The following TENM2 variants were observed in gnomAD, a reference collection of about 807,000 sequenced individuals.
TENM2 encodes teneurin transmembrane protein 2.
A neutral mutation model predicts 245.2 loss-of-function variants in TENM2; 52 were observed. The ratio of observed to expected loss-of-function variants is 0.21; its 90% CI spans 0.17 to 0.27. The LOEUF is 0.27. Among genes scored for constraint, TENM2 ranks in the 10% least tolerant of loss-of-function variants. The probability of loss-of-function intolerance (pLI) is 1.00; values close to 1 mark genes in which losing one functional copy is unlikely to be tolerated. For missense variants in TENM2, 3,046 were observed against 3,666.8 expected, an observed-to-expected ratio of 0.83 and a Z score of 4.37; for synonymous variants, 1,363 against 1,438.9, an observed-to-expected ratio of 0.95 and a Z score of 1.19.
chr5:168,007,184 C>G (rs1581037823), intron 5 of TENM2, among the ~76,000 whole-genome samples: 1 of 151,458 alleles, frequency 6.6e-6, no homozygotes, highest in African/African-American at 2.4e-5. Context: ...TGGAGTGCAG[C>G]GGCATGATCT....
intron 12 of TENM2, among the ~76,000 whole-genome samples, chr5:168,142,731 A>G (rs1355062645): frequency 6.6e-6 from 1 of 152,156 alleles, no homozygotes; most frequent in Non-Finnish European, 1.5e-5. Flanking sequence ...AAATCCTGAC[A>G]ATACTTCCCA....
chr5:167,998,690 A>G (rs1784226906), intron 5 of TENM2, among the ~76,000 whole-genome samples: 1 of 152,052 alleles, frequency 6.6e-6, no homozygotes, highest in Non-Finnish European at 1.5e-5. Context: ...ATACATATAT[A>G]TATATTAGAA....
At chr5:167,360,375 TTAGTAAGCACCAATAA>T in intron 1 of TENM2, among the ~76,000 whole-genome samples, 1 of 152,250 alleles carries the variant, frequency 6.6e-6, no homozygotes, top group Middle Eastern at 3.4e-3. Flanking sequence ...GGCTTAGCAT[TTAGTAAGCACCAATAA>T]TATTGGTCAA....
chr5:168,168,095 T>A (rs1758467129), intron 13 of TENM2, among the ~76,000 whole-genome samples: 2 of 152,158 alleles, frequency 1.3e-5, no homozygotes. Context: ...GGAGGGCTTG[T>A]TTAAAAGTCA....
chr5:168,044,295 G>T (rs1475108999), intron 5 of TENM2, among the ~76,000 whole-genome samples: 1 of 152,136 alleles, frequency 6.6e-6, no homozygotes, highest in Non-Finnish European at 1.5e-5. Context: ...GGCGCCTGTA[G>T]TCCCAGATAC....
At chr5:167,550,689 TG>T (rs199684611) in intron 2 of TENM2, among the ~76,000 whole-genome samples, 2,439 of 135,398 alleles carry the variant, frequency 0.018, 162 homozygotes, top group South Asian at 0.07. Flanking sequence ...CCTTTTTTTT[TG>T]TTGTTGTTAG....
intron 5 of TENM2, among the ~76,000 whole-genome samples, chr5:167,996,743 G>A (rs764427519): frequency 5.3e-5 from 8 of 152,062 alleles, no homozygotes; most frequent in Non-Finnish European, 8.8e-5. Context: ...TTGTTTGTTT[G>A]TTTTTGAGAC....
chr5:168,052,442 A>G (rs936582204), intron 6 of TENM2, among the ~76,000 whole-genome samples: 4 of 150,240 alleles, frequency 2.7e-5, no homozygotes, highest in Admixed American at 6.6e-5. Flanking sequence ...ATGTATGTGT[A>G]TATATATATA....
intron 1 of TENM2, among the ~76,000 whole-genome samples, chr5:167,302,934 C>A (rs527797039): frequency 2.0e-5 from 3 of 152,062 alleles, no homozygotes; most frequent in African/African-American, 7.2e-5. Flanking sequence ...GCTGCCTTCC[C>A]GAGTCCGTGA....
chr5:167,699,598 A>G (rs1758009721), intron 2 of TENM2, among the ~76,000 whole-genome samples: 1 of 152,150 alleles, frequency 6.6e-6, no homozygotes, highest in Non-Finnish European at 1.5e-5. Flanking sequence ...AACTAGAACA[A>G]TGCCCTGCCC....
chr5:167,881,306 A>T (rs1773857417), intron 3 of TENM2, among the ~76,000 whole-genome samples: 1 of 152,172 alleles, frequency 6.6e-6, no homozygotes, highest in African/African-American at 2.4e-5. Context: ...TACAAAAGCC[A>T]TTGTACATCC....
intron 2 of TENM2, among the ~76,000 whole-genome samples, chr5:167,426,993 C>CTG (rs1763865743): frequency 6.6e-6 from 1 of 151,958 alleles, no homozygotes; most frequent in African/African-American, 2.4e-5. Flanking sequence ...AGCTGGGGCA[C>CTG]TGTGAGCAAC....
chr5:168,161,844 A>ACACAC (rs56983935), intron 12 of TENM2, among the ~76,000 whole-genome samples: 8 of 151,210 alleles, frequency 5.3e-5, no homozygotes, highest in African/African-American at 1.5e-4. Flanking sequence ...ACACACACAC[A>ACACAC]TCAATAAAGG....
the TENM2 span, among the ~76,000 whole-genome samples, chr5:167,253,707 A>C: frequency 6.6e-6 from 1 of 152,082 alleles, no homozygotes; most frequent in Non-Finnish European, 1.5e-5. Flanking sequence ...ATTAAAAATC[A>C]GTTATATCTC....
chr5:167,519,079 A>G (rs573866335), intron 2 of TENM2, among the ~76,000 whole-genome samples: 3 of 152,278 alleles, frequency 2.0e-5, no homozygotes, highest in South Asian at 2.1e-4. Context: ...GCTTGAATCC[A>G]TAATGTTTAC....
rs531635253 is a variant in TENM2 at position 167,579,530 on chromosome 5, GTTC to G, written c.502+204062_502+204064del. ...AGCTACCTTCTCATCATTGACTTCAGTTCTTCTGACGGTTCGACAGTCGTAGCC... is the reference window on the plus strand; with the variant it reads ...AGCTACCTTCTCATCATTGACTTCAGTTCTGACGGTTCGACAGTCGTAGCC... On this transcript the variant is annotated intron_variant, in intron 2 of 28. Transcript: ENST00000518659. Among the ~76,000 whole-genome samples, 932 of 152,298 alleles carry G rather than the reference GTTC, an allele frequency of 6.1e-3. 18 individuals carry two copies. The highest frequency in any genetic ancestry group is 5.3e-3 in the Non-Finnish European group (358 of 68,024).
At chr5:167,811,066 C>T (rs961554227) in intron 2 of TENM2, among the ~76,000 whole-genome samples, 1 of 152,088 alleles carries the variant, frequency 6.6e-6, no homozygotes, top group Non-Finnish European at 1.5e-5. Flanking sequence ...GAATCTTACT[C>T]CAAATTTTTG....
At chr5:167,448,599 T>C (rs1304768891) in intron 2 of TENM2, among the ~76,000 whole-genome samples, 2 of 150,804 alleles carry the variant, frequency 1.3e-5, no homozygotes, top group Admixed American at 1.3e-4. Context: ...AAAATTTGAT[T>C]AGGGATGTGC....
chr5:167,529,646 C>T (rs1771364112), intron 2 of TENM2, among the ~76,000 whole-genome samples: 1 of 152,180 alleles, frequency 6.6e-6, no homozygotes, highest in African/African-American at 2.4e-5. Context: ...CTCACTTAGA[C>T]AGTTAATGGG....
Sources: allele counts gnomAD v4.1 joint callset (sites outside exome capture counted in the v4.1 genomes callset), GRCh38; gene constraint gnomAD v4.1.1; transcripts MANE v1.5; gene names NCBI Gene and HGNC (gene_info 2026-07-23, HGNC 2026-07-21).